CNTN5: variants seen among roughly 807,000 people sequenced by gnomAD.
CNTN5 encodes the protein contactin 5.
CNTN5 carries 77 observed loss-of-function variants against 129.1 expected under a neutral mutation model. The ratio of observed to expected loss-of-function variants is 0.60; its 90% CI spans 0.50 to 0.72. The LOEUF is 0.72. CNTN5 is among the 30% of genes least tolerant of loss of function. CNTN5 has a pLI of 0.00. For synonymous variants in CNTN5, 509 were observed against 465.6 expected (o/e 1.09, Z -1.20); for missense variants, 1,478 against 1,328.8 (o/e 1.11, Z -1.75).
At chr11:99,683,680 G>A (rs1476769748) in intron 3 of CNTN5, among the ~76,000 whole-genome samples, 1 of 151,786 alleles carries the variant, frequency 6.6e-6, no homozygotes, top group Non-Finnish European at 1.5e-5. Flanking sequence ...AATGAGGTTT[G>A]TTTGGGAGTA....
intron 1 of CNTN5, among the ~76,000 whole-genome samples, chr11:99,130,659 T>C (rs1188552037): frequency 6.6e-6 from 1 of 151,194 alleles, no homozygotes; most frequent in Non-Finnish European, 1.5e-5. Context: ...AGAATATATA[T>C]TTTTATGAAC....
chr11:100,122,625 C>T (rs529200876), intron 13 of CNTN5, among the ~76,000 whole-genome samples: 1 of 152,066 alleles, frequency 6.6e-6, no homozygotes, highest in African/African-American at 2.4e-5. Flanking sequence ...GGGGAGGATG[C>T]TCTTAAGCAG....
intron 1 of CNTN5, among the ~76,000 whole-genome samples, chr11:99,221,977 T>G (rs1860417462): frequency 6.6e-6 from 1 of 151,974 alleles, no homozygotes; most frequent in African/African-American, 2.4e-5. Context: ...TGTAAGCAGA[T>G]TTATGTAAGT....
At chr11:100,215,979 T>C (rs1041640476) in intron 15 of CNTN5, among the ~76,000 whole-genome samples, 1 of 152,120 alleles carries the variant, frequency 6.6e-6, no homozygotes, top group African/African-American at 2.4e-5. Flanking sequence ...GAAAAAGAAA[T>C]TGCTTTTATC....
At position 100,095,247 on chromosome 11, in the gene CNTN5, A is replaced by G. The variant is rs927275722; in HGVS notation, c.1580+20953A>G. Among the ~76,000 whole-genome samples, 15 of 151,956 alleles carry G rather than the reference A, an allele frequency of 9.9e-5. 1 individual carries two copies. Among genetic ancestry groups the G allele is most frequent in the Admixed American group, 5.9e-4 (9 of 15,258 alleles). ...TGAGTTTCCAAGAAAAACCTAGACT[A>G]TGTTTTTATGTGGAAGAAACTAACT... On this transcript the variant is annotated intron_variant, in intron 13 of 24. Transcript: ENST00000524871.
At chr11:99,945,504 G>GTA (rs1333950226) in intron 7 of CNTN5, among the ~76,000 whole-genome samples, 1 of 151,584 alleles carries the variant, frequency 6.6e-6, no homozygotes, top group Non-Finnish European at 1.5e-5. Context: ...GTGTGTGTGT[G>GTA]TGTGTGTGTG....
At chr11:100,246,799 A>G (rs1193404215) in intron 16 of CNTN5, among the ~76,000 whole-genome samples, 1 of 152,190 alleles carries the variant, frequency 6.6e-6, no homozygotes, top group Non-Finnish European at 1.5e-5. Context: ...ATGTATAAAA[A>G]TTAAGTCAAC....
chr11:99,892,382 T>A (rs1447224376), intron 6 of CNTN5, among the ~76,000 whole-genome samples: 2 of 152,230 alleles, frequency 1.3e-5, no homozygotes, highest in African/African-American at 4.8e-5. Flanking sequence ...TTTGGTGTTT[T>A]AGTCATGAAG....
At position 100,079,588 on chromosome 11, in the gene CNTN5, T is replaced by G. The variant is rs139126756; in HGVS notation, c.1580+5294T>G. Reference sequence around the variant, plus strand: ...TAACATTTTATAGGCCATGTGCAAATAGACAAATAGACATGGGGAGTTAAT... The same window carrying G: ...TAACATTTTATAGGCCATGTGCAAAGAGACAAATAGACATGGGGAGTTAAT... On this transcript the variant is annotated intron_variant, in intron 13 of 24. Transcript: ENST00000524871. 3.5e-3 allele frequency among the ~76,000 whole-genome samples: 533 copies of G among 152,238 alleles called. 1 individual carries two copies. The highest frequency in any genetic ancestry group is 0.012 in the African/African-American group (495 of 41,560).
chr11:99,801,854 A>G (rs558199523), intron 3 of CNTN5, among the ~76,000 whole-genome samples: 2 of 152,126 alleles, frequency 1.3e-5, no homozygotes, highest in Admixed American at 6.5e-5. Context: ...TTGATTTTCA[A>G]CCTTCTCTTT....
intron 3 of CNTN5, among the ~76,000 whole-genome samples, chr11:99,559,475 C>A (rs1305036898): frequency 6.6e-6 from 1 of 151,908 alleles, no homozygotes; most frequent in East Asian, 1.9e-4. Flanking sequence ...AAAATGAATC[C>A]ACAATTAAAA....
At position 99,425,447 on chromosome 11, in the gene CNTN5, C is replaced by T. The variant is rs976927949; in HGVS notation, c.-71+99963C>T. 5.9e-5 allele frequency among the ~76,000 whole-genome samples: 9 copies of T among 152,236 alleles called. 1 individual carries two copies. In the South Asian group the frequency reaches 1.9e-3, roughly 31 times the overall value. Reference sequence around the variant, plus strand: ...AGATGCCTGCAGGCCCAGGCCAAGACACCCACACCACCCCTTGCCTCTCTG... The same window carrying T: ...AGATGCCTGCAGGCCCAGGCCAAGATACCCACACCACCCCTTGCCTCTCTG... On this transcript the variant is annotated intron_variant, in intron 2 of 24. Coordinates refer to ENST00000524871, the MANE Select transcript of CNTN5 (RefSeq NM_014361.4).
At chr11:99,549,471 G>T (rs1460571858) in intron 2 of CNTN5, among the ~76,000 whole-genome samples, 2 of 152,118 alleles carry the variant, frequency 1.3e-5, no homozygotes, top group African/African-American at 4.8e-5. Flanking sequence ...AGTACATTGA[G>T]AATTGCAAAG....
intron 16 of CNTN5, among the ~76,000 whole-genome samples, chr11:100,234,608 C>G (rs1200246542): frequency 1.3e-5 from 2 of 149,460 alleles, no homozygotes; most frequent in Non-Finnish European, 3.0e-5. Context: ...CACATGGACA[C>G]AGGGAGGGGA....
chr11:99,022,024 T>C (rs544247660), intron 1 of CNTN5, among the ~76,000 whole-genome samples: 1 of 152,318 alleles, frequency 6.6e-6, no homozygotes, highest in East Asian at 1.9e-4. Flanking sequence ...ATTATATTAC[T>C]TTTAAATCTT....
At chr11:99,744,556 A>AAAAAAAC (rs1943988245) in intron 3 of CNTN5, among the ~76,000 whole-genome samples, 1 of 144,638 alleles carries the variant, frequency 6.9e-6, no homozygotes, top group Non-Finnish European at 1.5e-5. Flanking sequence ...AAAAAAAAAA[A>AAAAAAAC]AAAAAAAAAA....
At position 100,357,054 on chromosome 11, in the gene CNTN5, A is replaced by T. The variant is rs1027417752; in HGVS notation, c.*834A>T. The T allele has an allele frequency of 1.3e-5, 2 of 151,796 alleles. No homozygotes were observed. Among genetic ancestry groups the T allele is most frequent in the African/African-American group, 2.4e-5 (1 of 41,424 alleles). The allele number at this position is 151,796 out of a possible 1,614,324, so 9.4% of individuals were successfully genotyped here. On this transcript the variant is annotated 3_prime_UTR_variant, in exon 25 of 25. Coordinates refer to ENST00000524871, the MANE Select transcript of CNTN5 (RefSeq NM_014361.4). ...GCATGGGTGCTAACTTAAAAATGAG[A>T]TGAATATGGGACAGAGCGTTTCCAT...
chr11:99,595,512 T>A (rs929887289), intron 3 of CNTN5, among the ~76,000 whole-genome samples: 2 of 152,090 alleles, frequency 1.3e-5, no homozygotes, highest in Non-Finnish European at 2.9e-5. Context: ...CAACATGAAA[T>A]ATTAGTAAAA....
chr11:99,684,320 T>C (rs1274962255), intron 3 of CNTN5, among the ~76,000 whole-genome samples: 3 of 151,962 alleles, frequency 2.0e-5, no homozygotes, highest in African/African-American at 7.2e-5. Context: ...AAACTCATTT[T>C]TGTTTTATTT....
Sources: gnomAD v4.1 joint callset for allele counts (sites outside exome capture counted in the v4.1 genomes callset) on GRCh38, gnomAD v4.1.1 for gene constraint, MANE v1.5 for transcripts, NCBI Gene and HGNC (gene_info 2026-07-23, HGNC 2026-07-21) for gene names.